ACTN2: variants seen among roughly 807,000 people sequenced by gnomAD.
ACTN2 encodes actinin alpha 2.
In ACTN2, 39 loss-of-function variants were observed where a neutral mutation model predicts 113.8. That is an observed-to-expected ratio of 0.34 (90% CI 0.27 to 0.45). The LOEUF is 0.45. Ranked by LOEUF, ACTN2 falls within the 20% of genes least tolerant of loss-of-function variation. ACTN2 has a pLI of 1.00. For missense variants in ACTN2, 992 were observed against 1,177.9 expected, an observed-to-expected ratio of 0.84 and a Z score of 2.31; for synonymous variants, 429 against 444.1, an observed-to-expected ratio of 0.97 and a Z score of 0.43.
intron 4 of ACTN2, among the ~76,000 whole-genome samples, 157 bp downstream of exon 4, chr1:236,720,348 G>A (rs538172472): frequency 6.6e-6 from 1 of 152,206 alleles, no homozygotes; most frequent in South Asian, 2.1e-4. Context: ...TATAGGAAAA[G>A]ACCTCGGCAG....
rs568873795 is a variant in ACTN2 at position 236,721,008 on chromosome 1, G to A, written c.448+817G>A. Among the ~76,000 whole-genome samples the A allele has an allele frequency of 4.4e-4, 3 of 6,856 alleles. No individual in the cohort carries two copies. The East Asian group carries it at 0.021, about 47-fold the overall frequency. The allele number at this position is 6,856 out of a possible 152,430, so 4.5% of individuals were successfully genotyped here. On this transcript the variant is annotated intron_variant, in intron 4 of 20. Transcript: ENST00000366578. ...CCAGGCCACAGTAGCCTCTGACTCT[G>A]GTTTTTGTTTTTTGTTTTTTTTTTT...
intron 18 of ACTN2, 81 bp from the exon 19 acceptor site, chr1:236,759,643 C>A: frequency 2.5e-6 from 3 of 1,215,938 alleles, no homozygotes; most frequent in Non-Finnish European, 3.7e-6. Flanking sequence ...CTTCTCTTAC[C>A]AGATCTTTGT....
At chr1:236,705,702 A>G (rs866390149) in intron 1 of ACTN2, among the ~76,000 whole-genome samples, 1 of 152,220 alleles carries the variant, frequency 6.6e-6, no homozygotes, top group South Asian at 2.1e-4. Context: ...CTTATCAGGC[A>G]TTTCACCTTT....
At chr1:236,728,268 C>T (rs533971486) in intron 6 of ACTN2, among the ~76,000 whole-genome samples, 4 of 151,946 alleles carry the variant, frequency 2.6e-5, no homozygotes, top group Non-Finnish European at 4.4e-5. Context: ...CTCAGCCTCC[C>T]GAGTAACTGG....
intron 4 of ACTN2, among the ~76,000 whole-genome samples, chr1:236,722,497 T>C (rs1658425692): frequency 6.6e-6 from 1 of 151,628 alleles, no homozygotes; most frequent in South Asian, 2.1e-4. Flanking sequence ...TAGCCAGGTG[T>C]GGTGGCATGT....
chr1:236,709,220 G>GTGTGTGTATATATATATATATATA (rs1275373436), intron 1 of ACTN2, among the ~76,000 whole-genome samples: 2 of 66,838 alleles, frequency 3.0e-5, no homozygotes, highest in African/African-American at 1.2e-4. Flanking sequence ...ACAAATGACT[G>GTGTGTGTATATATATATATATATA]TATATATATA....
rs767876930 is a variant in ACTN2 at position 236,719,560 on chromosome 1, G to A, written c.362-545G>A. ...TCCCAGCACTTTGAGAGGCTGAGGCGGGTAGATCACCTGAGGTGAGGAGTT... is the reference window on the plus strand; with the variant it reads ...TCCCAGCACTTTGAGAGGCTGAGGCAGGTAGATCACCTGAGGTGAGGAGTT... On this transcript the variant is annotated intron_variant, in intron 3 of 20. Transcript: ENST00000366578. Among the ~76,000 whole-genome samples, 7 of 152,286 alleles carry A rather than the reference G, an allele frequency of 4.6e-5. No individual in the cohort carries two copies. The East Asian group carries it at 7.7e-4, about 17-fold the overall frequency.
chr1:236,695,563 T>TCCA (rs1657467692), intron 1 of ACTN2, among the ~76,000 whole-genome samples: 2 of 100,796 alleles, frequency 2.0e-5, no homozygotes, highest in Non-Finnish European at 1.9e-5. Flanking sequence ...TGAAATGAGT[T>TCCA]CCCCCCCCCT....
In ACTN2 at chr1:236,762,855, A is replaced by G. The variant is rs1659752339; in HGVS notation, c.*236A>G. The G allele has an allele frequency of 1.9e-6, 1 of 534,186 alleles. No homozygotes were observed. The highest frequency in any genetic ancestry group is 3.1e-5 in the Admixed American group (1 of 32,780). The allele number at this position is 534,186 out of a possible 1,614,324, so 33.1% of individuals were successfully genotyped here. On this transcript the variant is annotated 3_prime_UTR_variant, in exon 21 of 21. Coordinates refer to ENST00000366578, the MANE Select transcript of ACTN2 (RefSeq NM_001103.4). ...TATTTCTGAGTTTTTAGCAAAATGT[A>G]ATGAAATATCAGGTTGATTTCTTTG...
chr1:236,733,570 TA>T (rs1187929217), intron 7 of ACTN2, among the ~76,000 whole-genome samples: 1 of 152,222 alleles, frequency 6.6e-6, no homozygotes, highest in African/African-American at 2.4e-5. Flanking sequence ...CTTTACAGAA[TA>T]ATTGCTCAAA....
intron 1 of ACTN2, among the ~76,000 whole-genome samples, chr1:236,688,724 T>C (rs1665963324): frequency 6.6e-6 from 1 of 152,248 alleles, no homozygotes; most frequent in Admixed American, 6.5e-5. Flanking sequence ...TCTCTATTTC[T>C]ACTTTTGGTA....
At position 236,761,146 on chromosome 1, in the gene ACTN2, C is replaced by G; in HGVS notation, c.2499C>G (p.Ala833=). ...ADTDTAEQVI[A]SFRILASDKP... ...CCGACACTGCCGAGCAGGTCATCGC[C>G]TCCTTCCGGATCCTGGCTTCTGATA... The change falls in exon 20 of 21, where the codon GCC becomes GCG. Residue 833 remains alanine, a synonymous_variant. Coordinates refer to ENST00000366578, the MANE Select transcript of ACTN2 (RefSeq NM_001103.4). 1 of 1,614,184 alleles carries G rather than the reference C, an allele frequency of 6.2e-7. No homozygotes were observed. Among genetic ancestry groups the G allele is most frequent in the Non-Finnish European group, 8.5e-7 (1 of 1,180,038 alleles).
intron 18 of ACTN2, among the ~76,000 whole-genome samples, chr1:236,758,912 C>T (rs12729393): frequency 0.081 from 12,319 of 152,240 alleles, 618 homozygotes; most frequent in Middle Eastern, 0.16. Context: ...TGAGCCACCA[C>T]GACTAGCTAC....
In ACTN2 at chr1:236,759,812, A is replaced by G. The variant is rs181149802; in HGVS notation, c.2367+23A>G. 12 of 1,599,912 alleles carry G rather than the reference A, an allele frequency of 7.5e-6. No homozygotes were observed. The East Asian group carries it at 2.0e-4, about 27-fold the overall frequency. The stretch of plus-strand genomic sequence containing the variant: ...CTGGTAAGACAGAAGTTGAAATTGT[A>G]CTAAGATTTGATATTTTATTGAATT... On this transcript the variant is annotated intron_variant, in intron 19 of 20. Transcript: ENST00000366578.
At position 236,686,525 on chromosome 1, in the gene ACTN2, G is replaced by A; in HGVS notation, c.-149G>A. 6.7e-6 allele frequency: 6 copies of A among 894,962 alleles called. No individual in the cohort carries two copies. The highest frequency in any genetic ancestry group is 8.8e-6 in the Non-Finnish European group (6 of 682,172). The allele number at this position is 894,962 out of a possible 1,614,324, so 55.4% of individuals were successfully genotyped here. On this transcript the variant is annotated 5_prime_UTR_variant, in exon 1 of 21. Transcript: ENST00000366578. ...GAGCTGGTGCTTCGCCCGAGACCCA[G>A]CGCCCAGGCGTGTCGCCCCGAGAGG...
chr1:236,752,981 CAAAG>C (rs1351876380), intron 15 of ACTN2, among the ~76,000 whole-genome samples: 1 of 152,040 alleles, frequency 6.6e-6, no homozygotes, highest in Non-Finnish European at 1.5e-5. Context: ...GCAGATGACA[CAAAG>C]AAAGATTTTT....
At chr1:236,712,783 C>G (rs1297265445) in intron 1 of ACTN2, among the ~76,000 whole-genome samples, 1 of 152,084 alleles carries the variant, frequency 6.6e-6, no homozygotes, top group Non-Finnish European at 1.5e-5. Context: ...CTTCTGATGC[C>G]TGTATTATGA....
At chr1:236,691,024 G>A (rs757544308) in intron 1 of ACTN2, among the ~76,000 whole-genome samples, 26 of 146,886 alleles carry the variant, frequency 1.8e-4, no homozygotes, top group Middle Eastern at 3.5e-3. Flanking sequence ...TGCAGTCTCC[G>A]TCTCCCGGGT....
chr1:236,762,451 T>C lies in ACTN2; in HGVS notation c.2527-10T>C. On this transcript the variant is annotated splice_polypyrimidine_tract_variant and intron_variant, in intron 20 of 20. Transcript: ENST00000366578. Reference sequence around the variant, plus strand: ...CAACTGACTGCAAACACGTGTGTATTTTTTCCCAGCCATACATCCTGGCGG... The same window carrying C: ...CAACTGACTGCAAACACGTGTGTATCTTTTCCCAGCCATACATCCTGGCGG... 6.2e-7 allele frequency: 1 copy of C among 1,614,044 alleles called. No homozygotes were observed. The highest frequency in any genetic ancestry group is 8.5e-7 in the Non-Finnish European group (1 of 1,179,962).
Sources: allele counts gnomAD v4.1 joint callset (sites outside exome capture counted in the v4.1 genomes callset), GRCh38; gene constraint gnomAD v4.1.1; transcripts MANE v1.5; gene names NCBI Gene and HGNC (gene_info 2026-07-23, HGNC 2026-07-21).